GRM8: variants seen among roughly 807,000 people sequenced by gnomAD.
The protein encoded by GRM8 is metabotropic glutamate receptor 8.
GRM8 carries 47 observed loss-of-function variants against 87.2 expected under a neutral mutation model. The observed-to-expected ratio is 0.54, with a 90% CI of 0.43 to 0.69. The LOEUF is 0.69. Among genes scored for constraint, GRM8 ranks in the 30% least tolerant of loss-of-function variants. The pLI is 0.00. For missense variants in GRM8, 1,019 were observed against 1,139.2 expected (o/e 0.89, Z 1.52); for synonymous variants, 396 against 404.5 (o/e 0.98, Z 0.25).
At chr7:126,601,292 T>C (rs532721244) in intron 8 of GRM8, among the ~76,000 whole-genome samples, 12 of 152,128 alleles carry the variant, frequency 7.9e-5, no homozygotes, top group Non-Finnish European at 1.5e-4. Flanking sequence ...TAGTATTCCG[T>C]GGTGTATATG....
At chr7:126,873,367 G>A (rs984645258) in intron 6 of GRM8, among the ~76,000 whole-genome samples, 1 of 151,996 alleles carries the variant, frequency 6.6e-6, no homozygotes, top group Admixed American at 6.6e-5. Context: ...TTTAATAACT[G>A]AAGGAAAAAA....
chr7:126,900,134 C>A (rs1325177501), intron 6 of GRM8, among the ~76,000 whole-genome samples: 1 of 152,142 alleles, frequency 6.6e-6, no homozygotes, highest in Non-Finnish European at 1.5e-5. Flanking sequence ...TCTTTAACTT[C>A]AAAATCTCCA....
At chr7:126,941,863 C>T (rs1226701111) in intron 3 of GRM8, among the ~76,000 whole-genome samples, 2 of 152,202 alleles carry the variant, frequency 1.3e-5, no homozygotes, top group African/African-American at 4.8e-5. Flanking sequence ...TCCCTCCACT[C>T]TTACCTCAGG....
chr7:127,093,087 G>T (rs567316012), intron 3 of GRM8, among the ~76,000 whole-genome samples: 3 of 152,212 alleles, frequency 2.0e-5, no homozygotes, highest in Non-Finnish European at 4.4e-5. Context: ...ACACCCAAGG[G>T]GTCAAGTAGT....
intron 7 of GRM8, among the ~76,000 whole-genome samples, chr7:126,761,025 C>T (rs897992282): frequency 1.3e-5 from 2 of 151,930 alleles, no homozygotes; most frequent in Non-Finnish European, 2.9e-5. Context: ...GGTGAAACCC[C>T]GTCTCTACTA....
chr7:126,712,720 C>T (rs183923554), intron 7 of GRM8, among the ~76,000 whole-genome samples: 2 of 152,056 alleles, frequency 1.3e-5, no homozygotes, highest in African/African-American at 2.4e-5. Flanking sequence ...GTCTAATATC[C>T]AGAATCTACA....
intron 3 of GRM8, among the ~76,000 whole-genome samples, chr7:126,991,403 G>A (rs1229439465): frequency 6.6e-6 from 1 of 152,170 alleles, no homozygotes; most frequent in Non-Finnish European, 1.5e-5. Context: ...GTAAAAGACT[G>A]TGTTCCGAAG....
At chr7:126,505,934 G>A (rs1316308704) in intron 9 of GRM8, among the ~76,000 whole-genome samples, 1 of 151,850 alleles carries the variant, frequency 6.6e-6, no homozygotes, top group Non-Finnish European at 1.5e-5. Context: ...TGTACATTAG[G>A]GGTCAAGAAC....
intron 2 of GRM8, among the ~76,000 whole-genome samples, chr7:127,232,687 G>A (rs945038477): frequency 1.3e-5 from 2 of 152,192 alleles, no homozygotes; most frequent in African/African-American, 4.8e-5. Flanking sequence ...CTTAATAGCA[G>A]ATGTAAATAT....
chr7:127,224,766 G>A (rs1381169981), intron 2 of GRM8, among the ~76,000 whole-genome samples: 1 of 152,112 alleles, frequency 6.6e-6, no homozygotes, highest in Non-Finnish European at 1.5e-5. Context: ...AAGGGTAAAG[G>A]GAGGTAATTT....
Position 127,020,207 on chromosome 7 carries a change from T to C in GRM8, c.727+86289A>G, listed in dbSNP as rs138556183. On this transcript the variant is annotated intron_variant, in intron 3 of 10. Coordinates refer to ENST00000339582, the MANE Select transcript of GRM8 (RefSeq NM_000845.3). ...TCAAAAGGCTAGTAAGTTAGTATTA[T>C]GTAATCACAAAGCTATGCTAGAAAA... Among the ~76,000 whole-genome samples, 20 of 152,232 alleles carry C rather than the reference T, an allele frequency of 1.3e-4. No homozygotes were observed. In the East Asian group the frequency reaches 3.5e-3, roughly 27 times the overall value.
At chr7:126,498,975 T>C (rs1263728418) in intron 9 of GRM8, among the ~76,000 whole-genome samples, 23 of 152,004 alleles carry the variant, frequency 1.5e-4, no homozygotes, top group Admixed American at 1.5e-3. Context: ...TACAAATGCA[T>C]ATTTATTTTG....
chr7:127,190,279 A>G (rs562780630), intron 2 of GRM8, among the ~76,000 whole-genome samples: 2 of 152,222 alleles, frequency 1.3e-5, no homozygotes, highest in Non-Finnish European at 2.9e-5. Flanking sequence ...CTAGTAGCCA[A>G]AGCAAGCCAC....
chr7:126,631,042 CAAAATAAA>C (rs1415996804), intron 7 of GRM8, among the ~76,000 whole-genome samples: 8 of 151,536 alleles, frequency 5.3e-5, no homozygotes, highest in Non-Finnish European at 8.8e-5. Flanking sequence ...GGCAATCAGG[CAAAATAAA>C]AAAATAAAGG....
intron 9 of GRM8, among the ~76,000 whole-genome samples, chr7:126,510,277 G>T (rs1356048558): frequency 7.4e-6 from 1 of 135,126 alleles, no homozygotes; most frequent in Admixed American, 7.7e-5. Context: ...ACACTTTAAA[G>T]ACACATAGGT....
In GRM8 at chr7:126,936,354, G is replaced by A. The variant is rs142246588; in HGVS notation, c.728-31671C>T. 1.6e-3 allele frequency among the ~76,000 whole-genome samples: 251 copies of A among 152,232 alleles called. 1 individual carries two copies. Among genetic ancestry groups the A allele is most frequent in the African/African-American group, 5.9e-3 (243 of 41,528 alleles). On this transcript the variant is annotated intron_variant, in intron 3 of 10. Transcript: ENST00000339582. ...CATGATGGATAGGCTCCTTAGGAAA[G>A]AGAAAGTATTTAAGGGCTTGCCACG... is the stretch of plus-strand genomic sequence containing the variant.
At chr7:127,070,432 A>G (rs1396172954) in intron 3 of GRM8, among the ~76,000 whole-genome samples, 1 of 152,146 alleles carries the variant, frequency 6.6e-6, no homozygotes, top group Non-Finnish European at 1.5e-5. Flanking sequence ...AAGATGAGAT[A>G]AAGTTCACCA....
chr7:126,855,489 T>TG (rs1797593068), intron 6 of GRM8, among the ~76,000 whole-genome samples: 1 of 151,140 alleles, frequency 6.6e-6, no homozygotes, highest in Non-Finnish European at 1.5e-5. Context: ...TTTTTTTTTT[T>TG]GAGACAGAGT....
intron 3 of GRM8, among the ~76,000 whole-genome samples, chr7:126,965,306 TA>T (rs557052932): frequency 6.6e-6 from 1 of 151,514 alleles, no homozygotes; most frequent in Non-Finnish European, 1.5e-5. Flanking sequence ...ACTTAAATTT[TA>T]AAAAAAAGAA....
Sources: gnomAD v4.1 joint callset for allele counts (sites outside exome capture counted in the v4.1 genomes callset) on GRCh38, gnomAD v4.1.1 for gene constraint, MANE v1.5 for transcripts, NCBI Gene and HGNC (gene_info 2026-07-23, HGNC 2026-07-21) for gene names.